Variants in TSPAN15 observed in about 807,000 individuals in gnomAD.
The protein encoded by TSPAN15 is tetraspanin 15.
TSPAN15 carries 20 observed loss-of-function variants against 34.5 expected under a neutral mutation model. That is an observed-to-expected ratio of 0.58 (90% CI 0.41 to 0.84). TSPAN15 has a LOEUF of 0.84. Ranked by LOEUF, TSPAN15 falls within the 40% of genes least tolerant of loss-of-function variation. TSPAN15 has a pLI of 0.00. For synonymous variants in TSPAN15, 155 were observed against 153.9 expected (o/e 1.01, Z -0.05); for missense variants, 313 against 386.1 (o/e 0.81, Z 1.59).
Position 69,506,172 on chromosome 10 carries a change from G to A in TSPAN15, c.667G>A (p.Val223Met), listed in dbSNP as rs762843545. 3.6e-5 allele frequency: 58 copies of A among 1,614,100 alleles called. No individual in the cohort carries two copies. The highest frequency in any genetic ancestry group is 1.6e-4 in the Middle Eastern group (1 of 6,084). The change falls in exon 7 of 8, where the codon GTG becomes ATG. Residue 223 changes from valine (V) to methionine (M), a missense_variant. Coordinates refer to ENST00000373290, the MANE Select transcript of TSPAN15 (RefSeq NM_012339.5). This position sits in a 1 kb window ranked among gnomAD's most constrained non-coding sequence, Gnocchi z 4.7. ...VIYVRGCTNA[V>M]IIWFMDNYTI... ...CTACGTGCGGGGCTGCACCAACGCC[G>A]TGATCATCTGGTTCATGGACAACTA...
At chr10:69,518,641 C>T in the TSPAN15 span, among the ~76,000 whole-genome samples, 163 of 152,310 alleles carry the variant, frequency 1.1e-3, 1 homozygote, top group African/African-American at 3.5e-3. Flanking sequence ...CCAGGCTGGT[C>T]TCGAACTCCT....
At chr10:69,533,708 C>G in the TSPAN15 span, among the ~76,000 whole-genome samples, 2 of 152,176 alleles carry the variant, frequency 1.3e-5, no homozygotes, top group African/African-American at 4.8e-5. Context: ...AACCCAAGGA[C>G]GGGTTCATGG....
chr10:69,533,818 C>T, the TSPAN15 span, among the ~76,000 whole-genome samples: 1 of 152,282 alleles, frequency 6.6e-6, no homozygotes, highest in South Asian at 2.1e-4. Context: ...GTACTGAGTG[C>T]TCAACCTGTG....
the TSPAN15 span, among the ~76,000 whole-genome samples, chr10:69,548,264 G>T: frequency 1.3e-5 from 2 of 152,220 alleles, no homozygotes; most frequent in Non-Finnish European, 2.9e-5. Flanking sequence ...GTTGTAGCTA[G>T]ATGATCAAAC....
At chr10:69,544,696 T>C in the TSPAN15 span, among the ~76,000 whole-genome samples, 1 of 152,176 alleles carries the variant, frequency 6.6e-6, no homozygotes, top group Non-Finnish European at 1.5e-5. Context: ...AGACCTACTT[T>C]CTGTGAGTTG....
the TSPAN15 span, among the ~76,000 whole-genome samples, chr10:69,532,606 A>G: frequency 5.3e-5 from 8 of 152,244 alleles, no homozygotes; most frequent in African/African-American, 9.6e-5. Flanking sequence ...AAACCCTTAT[A>G]GACATTGGCT....
At chr10:69,539,882 T>A in the TSPAN15 span, among the ~76,000 whole-genome samples, 1 of 151,658 alleles carries the variant, frequency 6.6e-6, no homozygotes. Flanking sequence ...AACACATATA[T>A]CACTTTTACT....
the TSPAN15 span, among the ~76,000 whole-genome samples, chr10:69,526,786 C>CAAAAA: frequency 8.2e-5 from 5 of 60,988 alleles, no homozygotes; most frequent in Admixed American, 2.4e-4. Flanking sequence ...GACCCTGTCT[C>CAAAAA]AAAAAAAAAA....
At chr10:69,501,684 C>T (rs1182552961) in intron 5 of TSPAN15, among the ~76,000 whole-genome samples, 1 of 152,184 alleles carries the variant, frequency 6.6e-6, no homozygotes, top group African/African-American at 2.4e-5. Context: ...AGCTGAGCCT[C>T]GTGTCTGGTG....
intron 6 of TSPAN15, among the ~76,000 whole-genome samples, chr10:69,505,107 C>T (rs769716134): frequency 2.7e-4 from 41 of 152,290 alleles, no homozygotes; most frequent in South Asian, 6.2e-4. Context: ...TGGTTCTCAG[C>T]CCCTCAGAAC....
the TSPAN15 span, among the ~76,000 whole-genome samples, chr10:69,530,808 CTCTCTCTCTCTCTATATATATA>C: frequency 2.3e-3 from 157 of 69,066 alleles, 1 homozygote; most frequent in Admixed American, 6.2e-3. Flanking sequence ...CTCTCTCTCT[CTCTCTCTCTCTCTATATATATA>C]TATATATATA....
chr10:69,538,265 G>C, the TSPAN15 span, among the ~76,000 whole-genome samples: 5 of 152,318 alleles, frequency 3.3e-5, no homozygotes, highest in Admixed American at 1.3e-4. Context: ...CTGGTTTAGT[G>C]ATGGCTGAAT....
chr10:69,544,969 C>G, the TSPAN15 span, among the ~76,000 whole-genome samples: 1 of 152,172 alleles, frequency 6.6e-6, no homozygotes, highest in African/African-American at 2.4e-5. Flanking sequence ...CACCCTCTCC[C>G]CCAGCCGACT....
At chr10:69,495,078 G>C (rs891622104) in intron 3 of TSPAN15, 2 of 165,530 alleles carry the variant, frequency 1.2e-5, no homozygotes, top group African/African-American at 4.8e-5. Flanking sequence ...ACCCCACCCA[G>C]CCTGCTCTGT....
intron 5 of TSPAN15, among the ~76,000 whole-genome samples, chr10:69,500,902 A>G (rs185746149): frequency 6.6e-6 from 1 of 152,324 alleles, no homozygotes; most frequent in Non-Finnish European, 1.5e-5. Context: ...GCATCCCTGC[A>G]CCAGGGAGGG....
At chr10:69,534,841 G>C in the TSPAN15 span, among the ~76,000 whole-genome samples, 27,750 of 146,980 alleles carry the variant, frequency 0.19, 2,872 homozygotes, top group East Asian at 0.29. Context: ...AAAAAAAGCA[G>C]GGTATGGTGG....
intron 5 of TSPAN15, among the ~76,000 whole-genome samples, chr10:69,503,681 T>C (rs966856279): frequency 3.3e-5 from 5 of 152,108 alleles, no homozygotes; most frequent in African/African-American, 9.6e-5. Flanking sequence ...CACTTACATG[T>C]AGAGCAGCGG....
At chr10:69,484,145 A>C in intron 2 of TSPAN15, 1 of 369,744 alleles carries the variant, frequency 2.7e-6, no homozygotes, top group African/African-American at 2.0e-5. Context: ...CCACACTCAA[A>C]TGAGAGCAAG....
At chr10:69,471,225 TC>T (rs1841498158) in intron 1 of TSPAN15, among the ~76,000 whole-genome samples, 1 of 151,760 alleles carries the variant, frequency 6.6e-6, no homozygotes, top group East Asian at 1.9e-4. Flanking sequence ...AAATAGTAGC[TC>T]CCAAAGTGGG....
Sources: allele counts gnomAD v4.1 joint callset (sites outside exome capture counted in the v4.1 genomes callset), GRCh38; gene constraint gnomAD v4.1.1; non-coding constraint Gnocchi (gnomAD v3.1); transcripts MANE v1.5; gene names NCBI Gene and HGNC (gene_info 2026-07-23, HGNC 2026-07-21).